Variants in PPP1R2 observed in about 807,000 individuals in gnomAD.
The protein encoded by PPP1R2 is protein phosphatase inhibitor 2.
PPP1R2 carries 16 observed loss-of-function variants against 29.9 expected under a neutral mutation model. The observed-to-expected ratio is 0.53, with a 90% CI of 0.36 to 0.81. The LOEUF is 0.81. PPP1R2 is among the 30% of genes least tolerant of loss of function. PPP1R2 has a pLI of 0.00. For synonymous variants in PPP1R2, 76 were observed against 91.5 expected (o/e 0.83, Z 0.96); for missense variants, 197 against 252.7 (o/e 0.78, Z 1.49).
Position 195,515,511 on chromosome 3 carries a change from G to A in PPP1R2, c.*1385C>T, listed in dbSNP as rs528990330. The A allele has an allele frequency of 3.3e-5, 5 of 152,522 alleles. No homozygotes were observed. Among genetic ancestry groups the A allele is most frequent in the Non-Finnish European group, 7.4e-5 (5 of 67,992 alleles). The allele number at this position is 152,522 out of a possible 1,614,324, so 9.4% of individuals were successfully genotyped here. ...GTTGTACACAATTCATCAATTGTAT[G>A]GCTAGAAATGAAACCATAACTAAAC... On this transcript the variant is annotated 3_prime_UTR_variant, in exon 6 of 6. Coordinates refer to ENST00000618156, the MANE Select transcript of PPP1R2 (RefSeq NM_006241.8).
chr3:195,540,118 G>A (rs186632572), intron 1 of PPP1R2, among the ~76,000 whole-genome samples: 208 of 152,240 alleles, frequency 1.4e-3, no homozygotes, highest in Non-Finnish European at 9.3e-4. Context: ...TTACCTACTT[G>A]CTAAAATGTG....
At chr3:195,523,352 C>G (rs1171056743) in intron 4 of PPP1R2, 1 of 237,768 alleles carries the variant, frequency 4.2e-6, no homozygotes, top group African/African-American at 2.3e-5. Context: ...TTAGCTCTTT[C>G]AGCTACCCAC....
rs776217837 is a variant in PPP1R2 at position 195,543,057 on chromosome 3, G to C, written c.-32C>G. 5.0e-6 allele frequency: 8 copies of C among 1,584,388 alleles called. No homozygotes were observed. The highest frequency in any genetic ancestry group is 6.9e-6 in the Non-Finnish European group (8 of 1,166,252). ...GCGCTCCGGCTGTCGGCTCAGGGTC[G>C]CTGCTTGGCGTGGGGTCCGCGAAGA... On this transcript the variant is annotated 5_prime_UTR_variant, in exon 1 of 6. Coordinates refer to ENST00000618156, the MANE Select transcript of PPP1R2 (RefSeq NM_006241.8).
chr3:195,543,313 G>C lies in PPP1R2; in HGVS notation c.-288C>G. On this transcript the variant is annotated 5_prime_UTR_variant, in exon 1 of 6. Coordinates refer to ENST00000618156, the MANE Select transcript of PPP1R2 (RefSeq NM_006241.8). ...CCTAGAGCTCCAGCGCAGGAGCGAC[G>C]CGACGCCGAAGCCAAGCGGACCCGC... is the stretch of plus-strand genomic sequence containing the variant. 1 of 259,794 alleles carries C rather than the reference G, an allele frequency of 3.8e-6. No individual in the cohort carries two copies. Among genetic ancestry groups the C allele is most frequent in the Non-Finnish European group, 7.3e-6 (1 of 136,232 alleles). The allele number at this position is 259,794 out of a possible 1,614,324, so 16.1% of individuals were successfully genotyped here.
chr3:195,524,910 C>G lies in PPP1R2; in HGVS notation c.231-14G>C, dbSNP rs1281407314. ...TCCCCCATCATACTAGTATGACAAG[C>G]ACATTGTAATTAATACCTGAAACAT... On this transcript the variant is annotated splice_polypyrimidine_tract_variant and intron_variant, in intron 2 of 5. Transcript: ENST00000618156. 1.2e-6 allele frequency: 2 copies of G among 1,608,170 alleles called. No individual in the cohort carries two copies. The highest frequency in any genetic ancestry group is 1.1e-5 in the South Asian group (1 of 90,828).
intron 1 of PPP1R2, among the ~76,000 whole-genome samples, chr3:195,535,181 G>C (rs1184450566): frequency 1.3e-5 from 2 of 152,160 alleles, no homozygotes; most frequent in Non-Finnish European, 2.9e-5. Flanking sequence ...CTCTCATAAG[G>C]AGTGGGCGAC....
chr3:195,526,256 T>C (rs960531698), intron 2 of PPP1R2, among the ~76,000 whole-genome samples: 22 of 152,204 alleles, frequency 1.4e-4, no homozygotes, highest in African/African-American at 4.6e-4. Flanking sequence ...CTACCATTCC[T>C]GGCTTAATTC....
rs940272379 is a variant in PPP1R2, at chr3:195,515,500, A to G, written c.*1396T>C. On this transcript the variant is annotated 3_prime_UTR_variant, in exon 6 of 6. Transcript: ENST00000618156. ...TACTAACAAAAGTTGTACACAATTC[A>G]TCAATTGTATGGCTAGAAATGAAAC... 6.6e-6 allele frequency: 1 copy of G among 152,644 alleles called. No homozygotes were observed. 9.5% of individuals were successfully genotyped at this position (152,644 alleles called of 1,614,324 possible). A position where few individuals can be genotyped will look rare whatever the true frequency, so the allele number is the denominator to read the frequency against.
In PPP1R2 at chr3:195,523,766, A is replaced by G; in HGVS notation, c.329T>C (p.Leu110Ser). ...LARKLAAAEG[L>S]EPKYRIQEQE... ...TTCCTGAATCCGATACTTTGGCTCC[A>G]AGCCTTCAGCTGCAGCTAATCTATG... Residue 110 changes from leucine to serine, a missense_variant, in exon 4 of 6, where the codon TTG (leucine) becomes TCG (serine). Leu to Ser is a moderately radical substitution (Grantham distance 145). Around this residue, in one of 3 missense-constraint regions of PPP1R2, gnomAD observed 135 missense variants for 163.0 expected, o/e 0.83. Transcript: ENST00000618156. 7 of 1,614,170 alleles carry G rather than the reference A, an allele frequency of 4.3e-6. No individual in the cohort carries two copies. The highest frequency in any genetic ancestry group is 5.9e-6 in the Non-Finnish European group (7 of 1,179,994).
chr3:195,542,721 G>A (rs1373580056), intron 1 of PPP1R2, among the ~76,000 whole-genome samples, 183 bp downstream of exon 1: 6 of 151,226 alleles, frequency 4.0e-5, no homozygotes, highest in African/African-American at 1.5e-4. Context: ...AAAAAAGGAA[G>A]CATGATAAAC....
chr3:195,533,398 T>C (rs1267168591), intron 1 of PPP1R2, among the ~76,000 whole-genome samples: 2 of 152,080 alleles, frequency 1.3e-5, no homozygotes, highest in African/African-American at 2.4e-5. Flanking sequence ...TGTGAGTAGT[T>C]TGTTGCTCCA....
chr3:195,525,312 C>T (rs1718922750), intron 2 of PPP1R2, among the ~76,000 whole-genome samples: 1 of 152,024 alleles, frequency 6.6e-6, no homozygotes, highest in Admixed American at 6.5e-5. Flanking sequence ...ATAACTAACA[C>T]AGAGATGATT....
chr3:195,528,702 A>ACT (rs1719069862), intron 2 of PPP1R2: 10 of 59,970 alleles, frequency 1.7e-4, no homozygotes, highest in African/African-American at 7.9e-4. Context: ...GGGCATAACT[A>ACT]TTTTTTTTTT....
chr3:195,524,102 A>G (rs1718873166), intron 3 of PPP1R2, among the ~76,000 whole-genome samples: 2 of 151,912 alleles, frequency 1.3e-5, no homozygotes, highest in Non-Finnish European at 2.9e-5. Context: ...AAAAAAAAAG[A>G]ATAAAAAGAG....
chr3:195,520,740 A>G (rs1238989408), intron 4 of PPP1R2, among the ~76,000 whole-genome samples: 1 of 152,012 alleles, frequency 6.6e-6, no homozygotes, highest in Non-Finnish European at 1.5e-5. Context: ...GCTGGCTTCC[A>G]ACTTCTGGGC....
intron 2 of PPP1R2, among the ~76,000 whole-genome samples, 160 bp from the exon 3 acceptor site, chr3:195,525,056 C>T (rs1358368222): frequency 6.6e-6 from 1 of 151,996 alleles, no homozygotes; most frequent in Admixed American, 6.6e-5. Context: ...CTATTCAATA[C>T]AAATACTTAA....
chr3:195,532,967 A>C (rs963239102), intron 1 of PPP1R2, among the ~76,000 whole-genome samples: 1 of 152,200 alleles, frequency 6.6e-6, no homozygotes, highest in Non-Finnish European at 1.5e-5. Flanking sequence ...TAACTGCATA[A>C]AATTAACTAC....
At chr3:195,526,457 T>C (rs943361072) in intron 2 of PPP1R2, among the ~76,000 whole-genome samples, 2 of 152,140 alleles carry the variant, frequency 1.3e-5, no homozygotes, top group Non-Finnish European at 2.9e-5. Context: ...AACTGAGCAG[T>C]GAACTGATAA....
chr3:195,519,331 G>T, intron 4 of PPP1R2, 146 bp from the exon 5 acceptor site: 1 of 633,658 alleles, frequency 1.6e-6, no homozygotes. Context: ...GCAGAGTTGA[G>T]TAGTTCGTAA....
Sources: allele counts gnomAD v4.1 joint callset (sites outside exome capture counted in the v4.1 genomes callset), GRCh38; gene constraint gnomAD v4.1.1; regional missense constraint gnomAD v4.1.1; transcripts MANE v1.5; gene names NCBI Gene and HGNC (gene_info 2026-07-23, HGNC 2026-07-21).